Variants in PEBP4 observed in about 807,000 individuals in gnomAD.
PEBP4 encodes the protein phosphatidylethanolamine-binding protein 4.
Under a neutral mutation model 23.9 loss-of-function variants are expected in PEBP4, and 22 were observed. The ratio of observed to expected loss-of-function variants is 0.92; its 90% CI spans 0.66 to 1.31. The LOEUF (loss-of-function observed/expected upper bound fraction) is 1.31, where lower values mean the gene tolerates loss of function less well. Ranked by LOEUF, PEBP4 falls within the 40% of genes most tolerant of loss-of-function variation. The pLI is 0.00. For missense variants in PEBP4, 324 were observed against 281.7 expected (o/e 1.15, Z -1.07); for synonymous variants, 112 against 99.3 (o/e 1.13, Z -0.76).
At chr8:22,836,316 A>G (rs773632940) in intron 3 of PEBP4, among the ~76,000 whole-genome samples, 2 of 152,222 alleles carry the variant, frequency 1.3e-5, no homozygotes, top group Non-Finnish European at 2.9e-5. Context: ...CTTGTCTCCA[A>G]ATTCCACTCT....
chr8:22,799,031 CCT>C (rs1806328835), intron 4 of PEBP4, among the ~76,000 whole-genome samples: 2 of 152,054 alleles, frequency 1.3e-5, no homozygotes, highest in Non-Finnish European at 2.9e-5. Flanking sequence ...AGCCACCGTG[CCT>C]GGCCATATCT....
intron 3 of PEBP4, among the ~76,000 whole-genome samples, chr8:22,904,399 C>A (rs749341961): frequency 6.6e-6 from 1 of 152,214 alleles, no homozygotes; most frequent in African/African-American, 2.4e-5. Context: ...CCCTGCAGGG[C>A]AGGAAAGTAA....
intron 1 of PEBP4, among the ~76,000 whole-genome samples, chr8:22,938,956 T>C (rs575523885): frequency 5.3e-5 from 8 of 152,336 alleles, no homozygotes; most frequent in African/African-American, 1.2e-4. Context: ...TTGTCCTACT[T>C]AGAGACAGAG....
intron 4 of PEBP4, among the ~76,000 whole-genome samples, chr8:22,766,796 C>T (rs551800005): frequency 6.6e-6 from 1 of 152,354 alleles, no homozygotes; most frequent in South Asian, 2.1e-4. Flanking sequence ...CCCTGCACTC[C>T]TTGCTTCCAA....
chr8:22,741,685 C>T (rs1212088976), intron 4 of PEBP4, among the ~76,000 whole-genome samples: 1 of 152,164 alleles, frequency 6.6e-6, no homozygotes, highest in Non-Finnish European at 1.5e-5. Flanking sequence ...AGCTGAGCCC[C>T]ACAGGTGGTG....
intron 6 of PEBP4, among the ~76,000 whole-genome samples, chr8:22,717,634 C>T (rs964820048): frequency 3.9e-5 from 6 of 152,174 alleles, no homozygotes; most frequent in Non-Finnish European, 8.8e-5. Flanking sequence ...TGTCCCAGGG[C>T]GGTCTCTGTA....
At chr8:22,928,016 G>C (rs746305581), upstream of PEBP4, 1 of 351,678 alleles carries the variant, frequency 2.8e-6, no homozygotes, top group Non-Finnish European at 5.2e-6. Context: ...CCAGGGCAGA[G>C]AGCAGGCTGC....
chr8:22,856,751 A>T (rs1194945383), intron 3 of PEBP4, among the ~76,000 whole-genome samples: 2 of 151,898 alleles, frequency 1.3e-5, no homozygotes, highest in Non-Finnish European at 2.9e-5. Flanking sequence ...ATAGAAAAAT[A>T]AAAAACCTTG....
At chr8:22,853,467 T>G (rs1167448332) in intron 3 of PEBP4, among the ~76,000 whole-genome samples, 1 of 152,240 alleles carries the variant, frequency 6.6e-6, no homozygotes, top group African/African-American at 2.4e-5. Context: ...GTTTTAAAAT[T>G]TTCAAGCTGC....
At chr8:22,915,994 C>G (rs1265269176) in intron 3 of PEBP4, among the ~76,000 whole-genome samples, 1 of 152,162 alleles carries the variant, frequency 6.6e-6, no homozygotes, top group Non-Finnish European at 1.5e-5. Flanking sequence ...AAGGTGCTCC[C>G]TGGGAGGCTG....
chr8:22,924,829 G>T (rs777821112), intron 2 of PEBP4: 3 of 985,238 alleles, frequency 3.0e-6, no homozygotes, highest in Admixed American at 6.1e-5. Flanking sequence ...GGTCTTGTCT[G>T]GGGTATCTCA....
At chr8:22,861,779 T>C (rs1239501605) in intron 3 of PEBP4, among the ~76,000 whole-genome samples, 1 of 152,154 alleles carries the variant, frequency 6.6e-6, no homozygotes, top group Non-Finnish European at 1.5e-5. Context: ...GAACTTCTCT[T>C]GACAGAGAGG....
intron 3 of PEBP4, among the ~76,000 whole-genome samples, chr8:22,834,364 A>C (rs1291304220): frequency 6.6e-6 from 1 of 152,204 alleles, no homozygotes; most frequent in Non-Finnish European, 1.5e-5. Flanking sequence ...AAAGCCTTTC[A>C]TCCCCAAGGA....
chr8:22,839,852 G>A (rs767562321), intron 3 of PEBP4, among the ~76,000 whole-genome samples: 17 of 152,022 alleles, frequency 1.1e-4, no homozygotes, highest in Non-Finnish European at 2.2e-4. Context: ...TTACCCCCTC[G>A]CCCAAACCCC....
At chr8:22,906,242 C>A (rs889911490) in intron 3 of PEBP4, among the ~76,000 whole-genome samples, 1 of 152,156 alleles carries the variant, frequency 6.6e-6, no homozygotes, top group Admixed American at 6.5e-5. Context: ...GCAGAGGACA[C>A]TGCAGGCTGC....
chr8:22,756,465 C>G (rs1466711819), intron 4 of PEBP4, among the ~76,000 whole-genome samples: 2 of 152,202 alleles, frequency 1.3e-5, no homozygotes, highest in Non-Finnish European at 2.9e-5. Context: ...ATTCTCACAC[C>G]CTCTGCTGGA....
At chr8:22,762,799 G>A (rs1360721351) in intron 4 of PEBP4, among the ~76,000 whole-genome samples, 1 of 152,146 alleles carries the variant, frequency 6.6e-6, no homozygotes, top group East Asian at 1.9e-4. Context: ...TGCTCGTTGT[G>A]TTACAGCCAA....
intron 4 of PEBP4, among the ~76,000 whole-genome samples, chr8:22,778,180 T>A (rs914503473): frequency 6.6e-6 from 1 of 152,018 alleles, no homozygotes; most frequent in East Asian, 1.9e-4. Flanking sequence ...TTATCTGAGC[T>A]CTGCAGTGAT....
At chr8:22,738,552 C>G (rs1468183298) in intron 4 of PEBP4, among the ~76,000 whole-genome samples, 3 of 152,148 alleles carry the variant, frequency 2.0e-5, no homozygotes, top group Non-Finnish European at 4.4e-5. Flanking sequence ...GAAGCTGGAG[C>G]TGGGACCAGA....
Sources: gnomAD v4.1 joint callset for allele counts (sites outside exome capture counted in the v4.1 genomes callset) on GRCh38, gnomAD v4.1.1 for gene constraint, MANE v1.5 for transcripts, NCBI Gene and HGNC (gene_info 2026-07-23, HGNC 2026-07-21) for gene names.